PITPNM3: variants seen among roughly 807,000 people sequenced by gnomAD.
PITPNM3 encodes the protein membrane-associated phosphatidylinositol transfer protein 3.
In PITPNM3, 26 loss-of-function variants were observed where a neutral mutation model predicts 102.0. The observed-to-expected ratio is 0.25, with a 90% CI of 0.19 to 0.35. The LOEUF is 0.35. Among genes scored for constraint, PITPNM3 ranks in the 10% least tolerant of loss-of-function variants. The pLI is 1.00. For missense variants in PITPNM3, 1,083 were observed against 1,346.1 expected (o/e 0.80, Z 3.06); for synonymous variants, 578 against 558.6 (o/e 1.03, Z -0.49).
At chr17:6,480,523 TG>T in intron 6 of PITPNM3, 1 of 152,414 alleles carries the variant, frequency 6.6e-6, no homozygotes, top group South Asian at 2.1e-4. Flanking sequence ...GGCACCCTGC[TG>T]GGGACCTCTT....
rs140560343 is a variant in PITPNM3 at position 6,482,355 on chromosome 17, A to G, written c.587+1162T>C. ...ACCTCCATTAAAGGGCCAAAAGGAC[A>G]GGAGAGCTTCCGGAGAGCTGAACGC... On this transcript the variant is annotated intron_variant, in intron 6 of 19. Coordinates refer to ENST00000262483, the MANE Select transcript of PITPNM3 (RefSeq NM_031220.4). Among the ~76,000 whole-genome samples the G allele has an allele frequency of 4.1e-4, 62 of 152,284 alleles. No individual in the cohort carries two copies. In the East Asian group the frequency reaches 0.01, roughly 25 times the overall value.
chr17:6,462,146 C>T (rs889286144), intron 17 of PITPNM3, among the ~76,000 whole-genome samples: 1 of 152,178 alleles, frequency 6.6e-6, no homozygotes, highest in African/African-American at 2.4e-5. Flanking sequence ...ATATGAACTA[C>T]CCCACAAGGT....
chr17:6,502,807 G>A (rs913310224), intron 4 of PITPNM3, among the ~76,000 whole-genome samples: 12 of 152,152 alleles, frequency 7.9e-5, no homozygotes, highest in African/African-American at 2.7e-4. Context: ...ATTGGCCACC[G>A]AGTCCTCCCA....
chr17:6,495,299 A>G (rs997762347), intron 4 of PITPNM3, among the ~76,000 whole-genome samples: 9 of 152,104 alleles, frequency 5.9e-5, no homozygotes, highest in African/African-American at 1.9e-4. Flanking sequence ...TTAGATACCA[A>G]TTTATATCTT....
intron 2 of PITPNM3, among the ~76,000 whole-genome samples, chr17:6,526,440 G>T (rs1486628564): frequency 6.6e-6 from 1 of 152,170 alleles, no homozygotes; most frequent in Non-Finnish European, 1.5e-5. Flanking sequence ...AAAGGGTGTT[G>T]AGGACAATCT....
chr17:6,475,124 G>T (rs912128696), intron 9 of PITPNM3, among the ~76,000 whole-genome samples: 1 of 152,194 alleles, frequency 6.6e-6, no homozygotes, highest in African/African-American at 2.4e-5. Flanking sequence ...CGTCAGTTCT[G>T]TTCTGCTGGG....
At chr17:6,549,587 C>T (rs754956682) in intron 1 of PITPNM3, among the ~76,000 whole-genome samples, 7 of 152,182 alleles carry the variant, frequency 4.6e-5, no homozygotes, top group Non-Finnish European at 8.8e-5. Flanking sequence ...CACAGGCACA[C>T]GTGGGACCCT....
rs1337541390 is a variant in PITPNM3, at chr17:6,517,717, A to G, written c.226+7639T>C. 6.6e-6 allele frequency among the ~76,000 whole-genome samples: 1 copy of G among 152,020 alleles called. No homozygotes were observed. ...TGGGAACACAGGCACATGCCATCAC[A>G]CCCAGCTAGTTGTTTAATTTTTTGT... On this transcript the variant is annotated intron_variant, in intron 3 of 19. Coordinates refer to ENST00000262483, the MANE Select transcript of PITPNM3 (RefSeq NM_031220.4). This position sits in a 1 kb window ranked among gnomAD's most constrained non-coding sequence, Gnocchi z 4.1.
intron 3 of PITPNM3, among the ~76,000 whole-genome samples, chr17:6,510,345 C>T (rs1363274833): frequency 6.6e-6 from 1 of 152,214 alleles, no homozygotes; most frequent in Non-Finnish European, 1.5e-5. Flanking sequence ...CCCACACCTC[C>T]CTCCGTACCT....
Position 6,547,890 on chromosome 17 carries a change from G to A in PITPNM3, c.22+8495C>T, listed in dbSNP as rs1191991296. Among the ~76,000 whole-genome samples, 6 of 151,918 alleles carry A rather than the reference G, an allele frequency of 3.9e-5. No individual in the cohort carries two copies. In the East Asian group the frequency reaches 7.7e-4, roughly 20 times the overall value. ...ATTACAGGCATGCACCACCATGCCT[G>A]GCTAATTTTGTATTTTTAGTAGAGA... On this transcript the variant is annotated intron_variant, in intron 1 of 19. Coordinates refer to ENST00000262483, the MANE Select transcript of PITPNM3 (RefSeq NM_031220.4).
chr17:6,496,473 A>C (rs1324527704), intron 4 of PITPNM3, among the ~76,000 whole-genome samples: 1 of 152,050 alleles, frequency 6.6e-6, no homozygotes, highest in Non-Finnish European at 1.5e-5. Flanking sequence ...GTGACCAGAT[A>C]ATTCCCACAG....
In PITPNM3 at chr17:6,474,618, A is replaced by G. The variant is rs1597370214; in HGVS notation, c.1086-14T>C. On this transcript the variant is annotated splice_polypyrimidine_tract_variant and intron_variant, in intron 9 of 19. Coordinates refer to ENST00000262483, the MANE Select transcript of PITPNM3 (RefSeq NM_031220.4). ...CTGGAGTGGATGCTGCGGAGGGAGG[A>G]GGACGCAGGGCAGGGCAGGTCAGGG... 1.3e-6 allele frequency: 2 copies of G among 1,553,862 alleles called. No homozygotes were observed. The highest frequency in any genetic ancestry group is 1.4e-5 in the African/African-American group (1 of 73,340).
At chr17:6,465,137 C>G (rs1904699426) in intron 14 of PITPNM3, among the ~76,000 whole-genome samples, 1 of 152,218 alleles carries the variant, frequency 6.6e-6, no homozygotes, top group South Asian at 2.1e-4. Flanking sequence ...ACCGCAACCT[C>G]CCGGGTTCAA....
At chr17:6,527,804 A>G (rs978690775) in intron 2 of PITPNM3, among the ~76,000 whole-genome samples, 12 of 152,186 alleles carry the variant, frequency 7.9e-5, no homozygotes, top group African/African-American at 2.7e-4. Flanking sequence ...ACATAAGCTA[A>G]GAGAGCCAGG....
intron 3 of PITPNM3, among the ~76,000 whole-genome samples, chr17:6,504,745 C>T (rs35900011): frequency 0.18 from 27,139 of 152,160 alleles, 2,529 homozygotes; most frequent in Non-Finnish European, 0.19. Context: ...GATTCAAATG[C>T]CAGCTTCTTC....
rs138052035 is a variant in PITPNM3 at position 6,457,052 on chromosome 17, G to T, written c.2619+542C>A. On this transcript the variant is annotated intron_variant, in intron 19 of 19. Coordinates refer to ENST00000262483, the MANE Select transcript of PITPNM3 (RefSeq NM_031220.4). This position sits in a 1 kb window ranked among gnomAD's most constrained non-coding sequence, Gnocchi z 4.7. The stretch of plus-strand genomic sequence containing the variant: ...AGTCCCCACACAGGCCATCTTGGCC[G>T]CACTGACCGTTCTAGCCCCGCCCCC... Among the ~76,000 whole-genome samples the T allele has an allele frequency of 1.2e-3, 180 of 151,010 alleles. 2 individuals carry two copies. In the East Asian group the frequency reaches 0.022, roughly 18 times the overall value.
At position 6,455,439 on chromosome 17, in the gene PITPNM3, CG is replaced by C; in HGVS notation, c.2823del (p.Glu942SerfsTer153). On this transcript the variant is annotated frameshift_variant, in exon 20 of 20. Transcript: ENST00000262483. LOFTEE classifies it high-confidence loss of function. ...QPDPPAANPK[P>X]ERAQSQPESD... ...GACTCGGGCTGGCTCTGGGCCCGCT[CG>C]GGCTTGGGGTTGGCGGCGGGCGGGT... The C allele has an allele frequency of 6.2e-7, 1 of 1,603,766 alleles. No individual in the cohort carries two copies.
chr17:6,463,681 C>G (rs1192912268), intron 17 of PITPNM3, 51 bp downstream of exon 17: 1 of 1,595,948 alleles, frequency 6.3e-7, no homozygotes, highest in Admixed American at 1.7e-5. Flanking sequence ...CCCAGGGCTG[C>G]TGGCTCCTGC....
intron 6 of PITPNM3, among the ~76,000 whole-genome samples, chr17:6,483,171 T>C (rs1905846226): frequency 1.3e-5 from 2 of 151,976 alleles, no homozygotes; most frequent in Non-Finnish European, 2.9e-5. Flanking sequence ...GTCTTGATCT[T>C]CTGACCTCAT....
Sources: gnomAD v4.1 joint callset for allele counts (sites outside exome capture counted in the v4.1 genomes callset) on GRCh38, gnomAD v4.1.1 for gene constraint, Gnocchi (gnomAD v3.1) non-coding constraint, MANE v1.5 for transcripts, NCBI Gene and HGNC (gene_info 2026-07-23, HGNC 2026-07-21) for gene names.